Variants in ERC1 observed in about 807,000 individuals in gnomAD.
ERC1 encodes ELKS/RAB6-interacting/CAST family member 1, also known as RAB6 interacting protein 2.
A neutral mutation model predicts 132.0 loss-of-function variants in ERC1; 56 were observed. The ratio of observed to expected loss-of-function variants is 0.42; its 90% CI spans 0.34 to 0.53. The LOEUF (loss-of-function observed/expected upper bound fraction) is 0.53. Among genes scored for constraint, ERC1 ranks in the 20% least tolerant of loss-of-function variants. ERC1 has a pLI of 0.03. For synonymous variants in ERC1, 478 were observed against 476.1 expected, an observed-to-expected ratio of 1.00 and a Z score of -0.05; for missense variants, 1,202 against 1,349.9, an observed-to-expected ratio of 0.89 and a Z score of 1.72.
Position 1,028,296 on chromosome 12 carries a change from T to C in ERC1, c.393T>C (p.Pro131=), listed in dbSNP as rs1287288526. 6.2e-7 allele frequency: 1 copy of C among 1,614,110 alleles called. No individual in the cohort carries two copies. Among genetic ancestry groups the C allele is most frequent in the Admixed American group, 1.7e-5 (1 of 60,014 alleles). ...DTIAFGEHHL[P]PVSMASTVPH... ...TAGCATTTGGAGAGCATCACCTCCC[T>C]CCTGTGAGTATGGCATCCACTGTAC... Residue 131 remains proline, a synonymous_variant, in exon 2 of 19, where the codon CCT becomes CCC. Coordinates refer to ENST00000360905, the MANE Select transcript of ERC1 (RefSeq NM_178040.4).
At chr12:1,371,248 T>A (rs2087195843) in intron 15 of ERC1, among the ~76,000 whole-genome samples, 1 of 112,976 alleles carries the variant, frequency 8.9e-6, no homozygotes, top group Non-Finnish European at 1.8e-5. Context: ...TTGCGTGAGT[T>A]TGACTGTTTT....
At chr12:999,109 C>T (rs993329995) in intron 1 of ERC1, among the ~76,000 whole-genome samples, 2 of 152,132 alleles carry the variant, frequency 1.3e-5, no homozygotes, top group Non-Finnish European at 2.9e-5. Flanking sequence ...ATCTGTCTGC[C>T]TTGGCCTCCC....
intron 1 of ERC1, among the ~76,000 whole-genome samples, chr12:1,007,567 TGTA>T (rs2154136541): frequency 7.7e-6 from 1 of 129,484 alleles, no homozygotes; most frequent in Admixed American, 8.5e-5. Flanking sequence ...TGTGTGTGTG[TGTA>T]CACACTTTGT....
intron 6 of ERC1, 133 bp downstream of exon 6, chr12:1,112,431 G>T (rs1414446965): frequency 3.4e-6 from 2 of 595,132 alleles, no homozygotes; most frequent in East Asian, 2.8e-5. Context: ...GCACTAACCA[G>T]CCTGCTCTGC....
intron 12 of ERC1, among the ~76,000 whole-genome samples, chr12:1,209,462 A>C (rs1957662203): frequency 6.7e-6 from 1 of 148,254 alleles, no homozygotes; most frequent in South Asian, 2.1e-4. Flanking sequence ...CACCATTTGT[A>C]GCCTGTTGTA....
At chr12:1,174,221 T>C (rs1953427694) in intron 8 of ERC1, among the ~76,000 whole-genome samples, 1 of 152,234 alleles carries the variant, frequency 6.6e-6, no homozygotes, top group Admixed American at 6.5e-5. Flanking sequence ...ACACAGCTGG[T>C]TTGCACCTAT....
chr12:1,134,240 C>T (rs1314496321), intron 7 of ERC1, among the ~76,000 whole-genome samples: 6 of 151,864 alleles, frequency 4.0e-5, no homozygotes, highest in Admixed American at 6.6e-5. Context: ...AAATTTAAAA[C>T]AATTATATTC....
At chr12:1,112,115 TAA>T (rs1192617075) in intron 5 of ERC1, 98 bp from the exon 6 acceptor site, 22 of 750,726 alleles carry the variant, frequency 2.9e-5, no homozygotes, top group Non-Finnish European at 4.6e-5. Flanking sequence ...TTGTATTATA[TAA>T]GTTATTGTTA....
At chr12:1,056,121 T>TAA (rs1972915796) in intron 2 of ERC1, among the ~76,000 whole-genome samples, 1 of 151,736 alleles carries the variant, frequency 6.6e-6, no homozygotes. Context: ...AAAACTGTTT[T>TAA]AAAGGATATC....
chr12:1,134,516 A>T (rs978034853), intron 7 of ERC1, among the ~76,000 whole-genome samples: 26 of 151,624 alleles, frequency 1.7e-4, no homozygotes, highest in African/African-American at 5.1e-4. Context: ...TTGGCTAATT[A>T]AAAAAAATTT....
At chr12:1,151,271 A>AT (rs752547342) in intron 8 of ERC1, among the ~76,000 whole-genome samples, 5 of 152,188 alleles carry the variant, frequency 3.3e-5, no homozygotes, top group Non-Finnish European at 5.9e-5. Flanking sequence ...GAGATCAGGG[A>AT]TTTTACCTTC....
chr12:1,037,993 C>T (rs1012456533), intron 2 of ERC1, among the ~76,000 whole-genome samples: 2 of 149,914 alleles, frequency 1.3e-5, no homozygotes, highest in Admixed American at 6.7e-5. Context: ...GCAGTGAGCC[C>T]GAGATTGCGC....
chr12:1,085,512 A>C (rs1398163127), intron 3 of ERC1, among the ~76,000 whole-genome samples: 1 of 135,428 alleles, frequency 7.4e-6, no homozygotes, highest in African/African-American at 2.7e-5. Flanking sequence ...GAAAGTGCTG[A>C]GATTACAGGC....
At chr12:1,330,727 A>G (rs916434232) in intron 15 of ERC1, among the ~76,000 whole-genome samples, 4 of 152,110 alleles carry the variant, frequency 2.6e-5, no homozygotes, top group Non-Finnish European at 5.9e-5. Context: ...TTGTCCTTCT[A>G]TTTTGGAAAA....
At chr12:1,033,691 A>T (rs1968519026) in intron 2 of ERC1, among the ~76,000 whole-genome samples, 1 of 150,520 alleles carries the variant, frequency 6.6e-6, no homozygotes, top group African/African-American at 2.5e-5. Flanking sequence ...GTGCAGTGAC[A>T]CGATCTCAGC....
intron 7 of ERC1, among the ~76,000 whole-genome samples, chr12:1,122,820 G>T (rs1947729182): frequency 8.2e-6 from 1 of 122,472 alleles, no homozygotes; most frequent in African/African-American, 3.1e-5. Context: ...TGAGTTATGG[G>T]GTAGGGGTTG....
intron 18 of ERC1, among the ~76,000 whole-genome samples, chr12:1,456,441 G>T (rs923530281): frequency 1.3e-5 from 2 of 151,918 alleles, no homozygotes; most frequent in Non-Finnish European, 2.9e-5. Flanking sequence ...TGAATTCAGG[G>T]CCACCTTACC....
At chr12:1,219,845 G>T (rs1420411996) in intron 12 of ERC1, among the ~76,000 whole-genome samples, 2 of 152,040 alleles carry the variant, frequency 1.3e-5, no homozygotes, top group African/African-American at 4.8e-5. Flanking sequence ...CCAAAGAGCA[G>T]GGAGTACAGG....
chr12:1,240,001 C>T (rs555745201), intron 13 of ERC1, among the ~76,000 whole-genome samples: 4 of 152,162 alleles, frequency 2.6e-5, no homozygotes, highest in South Asian at 2.1e-4. Flanking sequence ...AAAATCACTG[C>T]GCTATAGCAT....
Sources: allele counts gnomAD v4.1 joint callset (sites outside exome capture counted in the v4.1 genomes callset), GRCh38; gene constraint gnomAD v4.1.1; transcripts MANE v1.5; gene names NCBI Gene and HGNC (gene_info 2026-07-23, HGNC 2026-07-21).